ABAT: variants seen among roughly 807,000 people sequenced by gnomAD.
The protein encoded by ABAT is 4-aminobutyrate aminotransferase, mitochondrial.
A neutral mutation model predicts 64.6 loss-of-function variants in ABAT; 45 were observed. The ratio of observed to expected loss-of-function variants is 0.70; its 90% CI spans 0.55 to 0.89. ABAT has a LOEUF of 0.89. ABAT is among the 40% of genes least tolerant of loss of function. The pLI is 0.00. For missense variants in ABAT, 633 were observed against 658.4 expected (o/e 0.96, Z 0.42); for synonymous variants, 297 against 250.5 (o/e 1.19, Z -1.75).
chr16:8,758,671 T>C (rs1323451518), intron 6 of ABAT, among the ~76,000 whole-genome samples: 1 of 151,962 alleles, frequency 6.6e-6, no homozygotes, highest in Non-Finnish European at 1.5e-5. Flanking sequence ...TCTCCTGAGG[T>C]TGTGATAACC....
intron 1 of ABAT, among the ~76,000 whole-genome samples, chr16:8,698,098 G>T (rs755178888): frequency 2.6e-5 from 4 of 152,180 alleles, no homozygotes; most frequent in East Asian, 1.9e-4. Context: ...AACAATGGAA[G>T]TTTATTCTCT....
At position 8,775,113 on chromosome 16, in the gene ABAT, TCTC is replaced by T. The variant is rs1000828743; in HGVS notation, c.1122+59_1122+61del. The T allele has an allele frequency of 9.9e-6, 16 of 1,611,126 alleles. No individual in the cohort carries two copies. The African/African-American group carries it at 1.9e-4, about 19-fold the overall frequency. ...CAGGGCAGAGAAGGGAGCATCCTCTTCTCCTAACTGTTCCTTTCTCACCATCGA... is the reference window on the plus strand; with the variant it reads ...CAGGGCAGAGAAGGGAGCATCCTCTTCTAACTGTTCCTTTCTCACCATCGA... On this transcript the variant is annotated intron_variant, in intron 13 of 15. Coordinates refer to ENST00000268251, the MANE Select transcript of ABAT (RefSeq NM_020686.6).
At chr16:8,727,383 G>C (rs142746957) in intron 1 of ABAT, among the ~76,000 whole-genome samples, 5 of 152,194 alleles carry the variant, frequency 3.3e-5, no homozygotes, top group African/African-American at 1.2e-4. Flanking sequence ...TAGCTACTCC[G>C]TGTCATCATA....
At chr16:8,772,072 C>A (rs1319033397) in intron 11 of ABAT, among the ~76,000 whole-genome samples, 1 of 152,142 alleles carries the variant, frequency 6.6e-6, no homozygotes, top group Non-Finnish European at 1.5e-5. Context: ...GCCCTTAGAA[C>A]AGTTTTTTAA....
intron 2 of ABAT, among the ~76,000 whole-genome samples, chr16:8,740,148 A>G (rs920690790): frequency 6.6e-6 from 1 of 152,126 alleles, no homozygotes; most frequent in African/African-American, 2.4e-5. Context: ...CACAGAGCTG[A>G]TGAGCGGCTG....
chr16:8,773,737 G>A (rs1298879722), intron 12 of ABAT, among the ~76,000 whole-genome samples: 1 of 152,052 alleles, frequency 6.6e-6, no homozygotes, highest in Admixed American at 6.6e-5. Context: ...CCTCTGATAG[G>A]CGTCATTCGA....
chr16:8,680,244 A>G (rs911507937), intron 1 of ABAT, among the ~76,000 whole-genome samples: 1 of 152,120 alleles, frequency 6.6e-6, no homozygotes, highest in Non-Finnish European at 1.5e-5. Context: ...TTCCCAATCC[A>G]TAATTGCCTG....
chr16:8,685,824 T>C (rs894209273), intron 1 of ABAT, among the ~76,000 whole-genome samples: 2 of 152,078 alleles, frequency 1.3e-5, no homozygotes, highest in Admixed American at 1.3e-4. Context: ...AGGTGACCCA[T>C]GATCTTGAAT....
At chr16:8,757,003 C>T (rs946630092) in intron 5 of ABAT, among the ~76,000 whole-genome samples, 1 of 152,106 alleles carries the variant, frequency 6.6e-6, no homozygotes, top group African/African-American at 2.4e-5. Context: ...TTGCAGGTGG[C>T]ATCACTACTC....
chr16:8,686,091 G>A (rs188436315), intron 1 of ABAT, among the ~76,000 whole-genome samples: 14 of 152,358 alleles, frequency 9.2e-5, no homozygotes, highest in African/African-American at 2.6e-4. Flanking sequence ...CCAGCCAAAA[G>A]AGCAAGGCAC....
intron 1 of ABAT, among the ~76,000 whole-genome samples, chr16:8,727,345 A>T (rs547396889): frequency 1.3e-5 from 2 of 152,094 alleles, no homozygotes; most frequent in East Asian, 3.9e-4. Context: ...TTCTTACCAC[A>T]CCCACTCTCA....
At chr16:8,736,002 AAG>A (rs1567294203) in intron 2 of ABAT, 193 bp downstream of exon 2, 1 of 591,530 alleles carries the variant, frequency 1.7e-6, no homozygotes, top group South Asian at 2.0e-5. Context: ...TATGAAGAAA[AAG>A]AGGTTTAATG....
rs566517842 is a variant in ABAT at position 8,764,456 on chromosome 16, A to G, written c.448-282A>G. Reference sequence around the variant, plus strand: ...ACGATTAAAGCCATTGGGAGCCTCAACGTCCCGCCTGGAACGTGTAGGTGT... The same window carrying G: ...ACGATTAAAGCCATTGGGAGCCTCAGCGTCCCGCCTGGAACGTGTAGGTGT... On this transcript the variant is annotated intron_variant, in intron 7 of 15. Transcript: ENST00000268251. This position sits in a 1 kb window ranked among gnomAD's most constrained non-coding sequence, Gnocchi z 4.2. 2.0e-5 allele frequency among the ~76,000 whole-genome samples: 3 copies of G among 152,244 alleles called. No homozygotes were observed. The highest frequency in any genetic ancestry group is 1.9e-4 in the East Asian group (1 of 5,172).
In ABAT at chr16:8,784,542, G is replaced by C. The variant is rs547289341; in HGVS notation, c.*3112G>C. 4 of 152,102 alleles carry C rather than the reference G, an allele frequency of 2.6e-5. No individual in the cohort carries two copies. The South Asian group carries it at 8.3e-4, about 32-fold the overall frequency. 9.4% of individuals were successfully genotyped at this position (152,102 alleles called of 1,614,324 possible). On this transcript the variant is annotated 3_prime_UTR_variant, in exon 16 of 16. Coordinates refer to ENST00000268251, the MANE Select transcript of ABAT (RefSeq NM_020686.6). ...TTAAATCTGTTTCCTGTGTTAGTCA[G>C]TATTCTTAAATAAAATTTATAATTG...
At chr16:8,735,180 A>G (rs1486408004) in intron 1 of ABAT, among the ~76,000 whole-genome samples, 2 of 151,940 alleles carry the variant, frequency 1.3e-5, no homozygotes, top group East Asian at 3.8e-4. Context: ...TCTCAAAAAA[A>G]AAAAAAAAAA....
At chr16:8,713,513 A>T (rs561654464) in intron 1 of ABAT, 1 of 196,718 alleles carries the variant, frequency 5.1e-6, no homozygotes, top group East Asian at 1.4e-4. Context: ...TCTGTCTGAA[A>T]ACCCTTGTCT....
intron 4 of ABAT, among the ~76,000 whole-genome samples, chr16:8,749,931 T>A (rs1440054860): frequency 6.6e-6 from 1 of 151,936 alleles, no homozygotes; most frequent in Non-Finnish European, 1.5e-5. Context: ...CCCACGCTGG[T>A]CTTGATCTCC....
In ABAT at chr16:8,735,046, T is replaced by TAAAAAA. The variant is rs34887951; in HGVS notation, c.-41-647_-41-642dup. 5.5e-3 allele frequency among the ~76,000 whole-genome samples: 811 copies of TAAAAAA among 147,634 alleles called. 10 individuals are homozygous for TAAAAAA. Among genetic ancestry groups the TAAAAAA allele is most frequent in the African/African-American group, 0.017 (694 of 39,824 alleles). On this transcript the variant is annotated intron_variant, in intron 1 of 15. Transcript: ENST00000268251. Reference sequence around the variant, plus strand: ...AACATAGTGAAACCCCATCTCTACTTAAAAAAAAAAATCACTGGGCATGGT... The same window carrying TAAAAAA: ...AACATAGTGAAACCCCATCTCTACTTAAAAAAAAAAAAAAAAATCACTGGGCATGGT...
intron 1 of ABAT, among the ~76,000 whole-genome samples, chr16:8,683,868 C>T (rs72768160): frequency 1.3e-5 from 2 of 151,376 alleles, no homozygotes. Flanking sequence ...GGCATTCATT[C>T]GTCAATGAGT....
Sources: gnomAD v4.1 joint callset for allele counts (sites outside exome capture counted in the v4.1 genomes callset) on GRCh38, gnomAD v4.1.1 for gene constraint, Gnocchi (gnomAD v3.1) non-coding constraint, MANE v1.5 for transcripts, NCBI Gene and HGNC (gene_info 2026-07-23, HGNC 2026-07-21) for gene names.